The following SYCP1 variants were observed in gnomAD, a reference collection of about 807,000 sequenced individuals.
SYCP1 encodes the protein synaptonemal complex protein 1, also known as cancer/testis antigen 8.
SYCP1 carries 64 observed loss-of-function variants against 153.1 expected under a neutral mutation model. The observed-to-expected ratio is 0.42, with a 90% CI of 0.34 to 0.51. The LOEUF is 0.51. SYCP1 is among the 20% of genes least tolerant of loss of function. The probability of loss-of-function intolerance (pLI) is 0.06; values close to 1 mark genes in which losing one functional copy is unlikely to be tolerated. For missense variants in SYCP1, 997 were observed against 1,049.0 expected, an observed-to-expected ratio of 0.95 and a Z score of 0.68; for synonymous variants, 384 against 341.8, an observed-to-expected ratio of 1.12 and a Z score of -1.36.
chr1:114,980,047 T>A (rs1673052204), intron 28 of SYCP1, among the ~76,000 whole-genome samples: 1 of 151,804 alleles, frequency 6.6e-6, no homozygotes, highest in South Asian at 2.1e-4. Context: ...AGGAGAGATG[T>A]TCTCAGAAGA....
chr1:114,935,988 T>C (rs1385921546), intron 23 of SYCP1, among the ~76,000 whole-genome samples: 1 of 152,152 alleles, frequency 6.6e-6, no homozygotes, highest in Non-Finnish European at 1.5e-5. Flanking sequence ...CAGAAGCTGG[T>C]ACCATTCCTT....
chr1:114,988,386 GA>G (rs1237329820), intron 30 of SYCP1, among the ~76,000 whole-genome samples: 1 of 151,952 alleles, frequency 6.6e-6, no homozygotes, highest in African/African-American at 2.4e-5. Context: ...ACTGTTGGGA[GA>G]AAAAATGAAT....
At chr1:114,891,103 C>T (rs187280012) in intron 15 of SYCP1, among the ~76,000 whole-genome samples, 3 of 152,248 alleles carry the variant, frequency 2.0e-5, no homozygotes, top group Admixed American at 1.3e-4. Flanking sequence ...ACCCCAACAA[C>T]TCTCATTCTT....
At position 114,944,355 on chromosome 1, in the gene SYCP1, T is replaced by C; in HGVS notation, c.1943T>C (p.Leu648Ser). Residue 648 changes from leucine to serine, a missense_variant, in exon 24 of 32, where the codon TTA becomes TCA. This residue lies in a region of SYCP1 where 712 missense variants were observed against 682.9 expected (regional missense o/e 1.04). Coordinates refer to ENST00000369522, the MANE Select transcript of SYCP1 (RefSeq NM_003176.4). The part of the protein sequence containing the change: ...VYEIKVNKLE[L>S]ELESAKQKFG... ...TACTTAAAGGTCAATAAATTAGAGT[T>C]AGAACTAGAAAGTGCCAAACAGAAA... 1 of 1,599,804 alleles carries C rather than the reference T, an allele frequency of 6.3e-7. No individual in the cohort carries two copies. Among genetic ancestry groups the C allele is most frequent in the Non-Finnish European group, 8.5e-7 (1 of 1,171,496 alleles).
At position 114,923,480 on chromosome 1, in the gene SYCP1, A is replaced by G. The variant is rs1467041109; in HGVS notation, c.1750A>G (p.Lys584Glu). The change falls in exon 21 of 32, where the codon AAA (lysine) becomes GAA (glutamate). Residue 584 changes from lysine (K) to glutamate (E), a missense_variant. Physicochemically the swap from Lys to Glu is moderately conservative, Grantham distance 56. Transcript: ENST00000369522. Reference sequence around the variant, plus strand: ...ACTAGAATATGTGAGAGAAGAGCTAAAACAGAAAAGAGATGAAGTTAAATG... The same window carrying G: ...ACTAGAATATGTGAGAGAAGAGCTAGAACAGAAAAGAGATGAAGTTAAATG... ...NELEYVREEL[K>E]QKRDEVKCKL... The G allele has an allele frequency of 1.3e-6, 2 of 1,592,606 alleles. No homozygotes were observed. Among genetic ancestry groups the G allele is most frequent in the African/African-American group, 2.7e-5 (2 of 74,244 alleles).
intron 18 of SYCP1, 50 bp from the exon 19 acceptor site, chr1:114,912,983 G>A: frequency 7.7e-7 from 1 of 1,293,222 alleles, no homozygotes; most frequent in Non-Finnish European, 1.1e-6. Flanking sequence ...TCCATATTAT[G>A]TCATTACATT....
intron 9 of SYCP1, 71 bp downstream of exon 9, chr1:114,874,635 G>T (rs1011292124): frequency 1.1e-6 from 1 of 884,164 alleles, no homozygotes; most frequent in Non-Finnish European, 1.8e-6. Context: ...TTGCTACAAA[G>T]ATATGGACAA....
intron 27 of SYCP1, among the ~76,000 whole-genome samples, chr1:114,974,242 T>C (rs1672673457): frequency 1.3e-5 from 2 of 151,960 alleles, no homozygotes; most frequent in South Asian, 2.1e-4. Context: ...TTGGTTATGA[T>C]GTATTTTTAA....
intron 8 of SYCP1, among the ~76,000 whole-genome samples, chr1:114,865,979 A>C (rs1664717716): frequency 6.6e-6 from 1 of 152,136 alleles, no homozygotes; most frequent in South Asian, 2.1e-4. Flanking sequence ...ATATGCATTC[A>C]AGTTTCCTCC....
At chr1:114,935,114 G>C (rs769370196) in intron 23 of SYCP1, among the ~76,000 whole-genome samples, 3 of 152,168 alleles carry the variant, frequency 2.0e-5, no homozygotes, top group Non-Finnish European at 1.5e-5. Flanking sequence ...ATTATTTTCA[G>C]CACCACACAA....
chr1:114,961,483 T>A (rs540582003), intron 27 of SYCP1, among the ~76,000 whole-genome samples: 1 of 152,346 alleles, frequency 6.6e-6, no homozygotes, highest in South Asian at 2.1e-4. Flanking sequence ...TTTAATGCTA[T>A]GAACTTTCCT....
Position 114,944,328 on chromosome 1 carries a change from T to G in SYCP1, c.1927-11T>G. The G allele has an allele frequency of 6.8e-7, 1 of 1,461,654 alleles. No individual in the cohort carries two copies. Among genetic ancestry groups the G allele is most frequent in the Non-Finnish European group, 9.5e-7 (1 of 1,057,394 alleles). 90.5% of individuals were successfully genotyped at this position (1,461,654 alleles called of 1,614,324 possible). A position where few individuals can be genotyped will look rare whatever the true frequency, so the allele number is the denominator to read the frequency against. On this transcript the variant is annotated splice_polypyrimidine_tract_variant and intron_variant, in intron 23 of 31. Transcript: ENST00000369522. The stretch of plus-strand genomic sequence containing the variant: ...TTTACTAATATTCATGCTATTTTTC[T>G]TTACTTAAAGGTCAATAAATTAGAG...
At chr1:114,962,781 T>C (rs1204423118) in intron 27 of SYCP1, among the ~76,000 whole-genome samples, 3 of 152,232 alleles carry the variant, frequency 2.0e-5, no homozygotes, top group African/African-American at 7.2e-5. Context: ...ATTTATGCTT[T>C]AAGGAAATTC....
chr1:114,959,748 C>G (rs1671664081), intron 27 of SYCP1, among the ~76,000 whole-genome samples: 1 of 152,026 alleles, frequency 6.6e-6, no homozygotes, highest in East Asian at 1.9e-4. Context: ...TACTACCCTT[C>G]CCAGCCTCTG....
chr1:114,919,101 C>G (rs990970674), intron 20 of SYCP1, among the ~76,000 whole-genome samples: 6 of 152,024 alleles, frequency 3.9e-5, no homozygotes, highest in African/African-American at 1.4e-4. Flanking sequence ...AGAGGAAAGA[C>G]CTTCAGTGTT....
At chr1:114,990,078 A>G (rs1673819310) in intron 30 of SYCP1, among the ~76,000 whole-genome samples, 1 of 151,992 alleles carries the variant, frequency 6.6e-6, no homozygotes, top group African/African-American at 2.4e-5. Context: ...GACATTCCCC[A>G]GGATAGATCA....
intron 27 of SYCP1, among the ~76,000 whole-genome samples, chr1:114,954,501 A>AT (rs1245420532): frequency 2.0e-5 from 3 of 151,180 alleles, no homozygotes; most frequent in Non-Finnish European, 4.4e-5. Context: ...AATAAATACA[A>AT]TAATAATTAA....
intron 27 of SYCP1, among the ~76,000 whole-genome samples, chr1:114,963,381 CT>C (rs1273157247): frequency 6.6e-6 from 1 of 151,822 alleles, no homozygotes; most frequent in Non-Finnish European, 1.5e-5. Flanking sequence ...AGTATTTTTT[CT>C]TTTTTATTAT....
chr1:114,934,448 C>T (rs981068374), intron 23 of SYCP1, among the ~76,000 whole-genome samples: 9 of 152,126 alleles, frequency 5.9e-5, no homozygotes, highest in South Asian at 4.1e-4. Context: ...CCAGCCACTG[C>T]AAAAACATGC....
Sources: allele counts gnomAD v4.1 joint callset (sites outside exome capture counted in the v4.1 genomes callset), GRCh38; gene constraint gnomAD v4.1.1; regional missense constraint gnomAD v4.1.1; transcripts MANE v1.5; gene names NCBI Gene and HGNC (gene_info 2026-07-23, HGNC 2026-07-21).